Variants in CASD1 observed in about 807,000 individuals in gnomAD.
CASD1 encodes CAS1 domain sialic acid O acetyltransferase 1, also known as N-acetylneuraminate (7)9-O-acetyltransferase.
A neutral mutation model predicts 100.0 loss-of-function variants in CASD1; 41 were observed. The ratio of observed to expected loss-of-function variants is 0.41; its 90% confidence interval spans 0.32 to 0.53. The LOEUF (loss-of-function observed/expected upper bound fraction) is 0.53. CASD1 is among the 20% of genes least tolerant of loss of function. The probability of loss-of-function intolerance (pLI) is 0.25; values close to 1 mark genes in which losing one functional copy is unlikely to be tolerated. For synonymous variants in CASD1, 321 were observed against 315.6 expected (o/e 1.02, Z -0.18); for missense variants, 774 against 948.7 (o/e 0.82, Z 2.42).
At chr7:94,616,165 G>A in the CASD1 span, among the ~76,000 whole-genome samples, 1 of 152,092 alleles carries the variant, frequency 6.6e-6, no homozygotes, top group Non-Finnish European at 1.5e-5. Context: ...GGGCTCATGG[G>A]GACTGACACT....
At chr7:94,602,803 TC>T in the CASD1 span, among the ~76,000 whole-genome samples, 25 of 152,316 alleles carry the variant, frequency 1.6e-4, no homozygotes, top group Admixed American at 1.0e-3. Flanking sequence ...TGGGTAAGAT[TC>T]TAACTTTCTT....
the CASD1 span, chr7:94,629,187 C>T: frequency 1.3e-5 from 2 of 152,290 alleles, no homozygotes; most frequent in Admixed American, 6.6e-5. Flanking sequence ...TTTATGATCA[C>T]TCAAAATAAC....
intron 1 of CASD1, among the ~76,000 whole-genome samples, chr7:94,511,970 G>A (rs1404104293): frequency 6.6e-6 from 1 of 152,200 alleles, no homozygotes; most frequent in Non-Finnish European, 1.5e-5. Context: ...AGTGCCTTGA[G>A]TGTGAAGCAT....
chr7:94,603,549 G>C, the CASD1 span: 57 of 1,140,304 alleles, frequency 5.0e-5, no homozygotes, highest in Non-Finnish European at 7.3e-5. Context: ...TTTGAATTGA[G>C]AGATTAACTA....
At chr7:94,606,719 T>TA in the CASD1 span, among the ~76,000 whole-genome samples, 4 of 152,116 alleles carry the variant, frequency 2.6e-5, no homozygotes, top group African/African-American at 9.7e-5. Context: ...TTCCAGACCA[T>TA]AAAAAATTAA....
chr7:94,601,495 G>C, the CASD1 span, among the ~76,000 whole-genome samples: 1 of 131,354 alleles, frequency 7.6e-6, no homozygotes, highest in African/African-American at 3.0e-5. Flanking sequence ...GTTGCACTAT[G>C]TTAATTTACC....
At chr7:94,625,127 C>G in the CASD1 span, 1 of 151,844 alleles carries the variant, frequency 6.6e-6, no homozygotes, top group Non-Finnish European at 1.5e-5. Flanking sequence ...TTTGATTCCC[C>G]AATTTCTAAA....
At chr7:94,562,683 T>G in the CASD1 span, among the ~76,000 whole-genome samples, 1 of 152,128 alleles carries the variant, frequency 6.6e-6, no homozygotes, top group South Asian at 2.1e-4. Flanking sequence ...CATTTCCTTC[T>G]CTAACTGCCA....
chr7:94,528,778 C>T (rs919547306), intron 5 of CASD1, among the ~76,000 whole-genome samples: 2 of 152,118 alleles, frequency 1.3e-5, no homozygotes, highest in African/African-American at 4.8e-5. Context: ...CTCCTAAGTT[C>T]TCACAAGTCC....
At chr7:94,515,168 G>A (rs1793913141) in intron 1 of CASD1, among the ~76,000 whole-genome samples, 1 of 151,864 alleles carries the variant, frequency 6.6e-6, no homozygotes, top group African/African-American at 2.4e-5. Flanking sequence ...TTAGATTCTG[G>A]TAAAATAACT....
the CASD1 span, among the ~76,000 whole-genome samples, chr7:94,574,741 C>T: frequency 4.0e-5 from 6 of 151,768 alleles, no homozygotes; most frequent in Admixed American, 6.6e-5. Context: ...AAGCCTGAGA[C>T]GGACGGATCA....
chr7:94,598,963 G>A, the CASD1 span: 11 of 1,611,938 alleles, frequency 6.8e-6, no homozygotes, highest in Admixed American at 3.3e-5. Flanking sequence ...CCAGTTGGAT[G>A]CTAGGTCAAA....
the CASD1 span, chr7:94,587,409 T>C: frequency 8.8e-7 from 1 of 1,132,128 alleles, no homozygotes. Context: ...ATGCCTGAAA[T>C]AATTAAGAAT....
intron 1 of CASD1, among the ~76,000 whole-genome samples, chr7:94,514,266 A>G (rs1415643666): frequency 6.7e-6 from 1 of 148,694 alleles, no homozygotes; most frequent in Non-Finnish European, 1.5e-5. Context: ...TTTGACTGTT[A>G]GAAAGATCCT....
intron 3 of CASD1, among the ~76,000 whole-genome samples, chr7:94,520,296 C>T (rs558863228): frequency 6.6e-6 from 1 of 152,218 alleles, no homozygotes; most frequent in Admixed American, 6.5e-5. Context: ...TAAAAGCTTA[C>T]TACTTTTATT....
the CASD1 span, among the ~76,000 whole-genome samples, chr7:94,633,927 G>C: frequency 6.6e-6 from 1 of 152,090 alleles, no homozygotes; most frequent in Non-Finnish European, 1.5e-5. Context: ...GAGAACACTT[G>C]CCAGTTCTTT....
rs151135732 is a variant in CASD1, at chr7:94,535,317, T to C, written c.637T>C (p.Tyr213His). 4.1e-4 allele frequency: 654 copies of C among 1,610,298 alleles called. 2 individuals are homozygous for C. Among genetic ancestry groups the C allele is most frequent in the Non-Finnish European group, 5.1e-4 (600 of 1,177,238 alleles). ...ATGTGTCTCACGTGCAGATCCTGTT[T>C]ATGAAGATCTATTAAGTGAAAATAG... is the stretch of plus-strand genomic sequence containing the variant. ...DVYWVLQDPVYEDLLSENRKM... is the reference protein window; with the variant it reads ...DVYWVLQDPVHEDLLSENRKM... Residue 213 changes from tyrosine (Y) to histidine (H), a missense_variant, in exon 8 of 18, where the codon TAT becomes CAT. Physicochemically the swap from Tyr to His is moderately conservative, Grantham distance 83. Coordinates refer to ENST00000297273, the MANE Select transcript of CASD1 (RefSeq NM_022900.5).
At chr7:94,619,176 G>A in the CASD1 span, 1 of 506,922 alleles carries the variant, frequency 2.0e-6, no homozygotes, top group Non-Finnish European at 3.5e-6. Flanking sequence ...AAAATCCAAG[G>A]CTCATCAGAG....
At chr7:94,557,752 A>G (rs1354915346), downstream of CASD1, among the ~76,000 whole-genome samples, 4 of 151,694 alleles carry the variant, frequency 2.6e-5, no homozygotes, top group Admixed American at 6.6e-5. Flanking sequence ...TTTACATATA[A>G]TTATATAATA....
Sources: gnomAD v4.1 joint callset for allele counts (sites outside exome capture counted in the v4.1 genomes callset) on GRCh38, gnomAD v4.1.1 for gene constraint, MANE v1.5 for transcripts, NCBI Gene and HGNC (gene_info 2026-07-23, HGNC 2026-07-21) for gene names.